Variants in FRMD4A observed in about 807,000 individuals in gnomAD.
FRMD4A encodes FERM domain-containing protein 4A.
FRMD4A carries 29 observed loss-of-function variants against 129.1 expected under a neutral mutation model. The ratio of observed to expected loss-of-function variants is 0.22; its 90% CI spans 0.17 to 0.31. The LOEUF (loss-of-function observed/expected upper bound fraction) is 0.31, where lower values mean the gene tolerates loss of function less well. Ranked by LOEUF, FRMD4A falls within the 10% of genes least tolerant of loss-of-function variation. The pLI is 1.00. For missense variants in FRMD4A, 1,272 were observed against 1,375.8 expected (o/e 0.92, Z 1.19); for synonymous variants, 634 against 571.6 (o/e 1.11, Z -1.56).
At chr10:13,822,884 C>T (rs1197028584) in intron 3 of FRMD4A, among the ~76,000 whole-genome samples, 3 of 152,108 alleles carry the variant, frequency 2.0e-5, no homozygotes, top group Admixed American at 1.3e-4. Flanking sequence ...TTCTCTCTCC[C>T]CTCCTTCTCT....
intron 2 of FRMD4A, among the ~76,000 whole-genome samples, chr10:14,165,026 G>T (rs1413543192): frequency 6.6e-6 from 1 of 152,094 alleles, no homozygotes; most frequent in African/African-American, 2.4e-5. Context: ...TATCTTTATA[G>T]TAGAGCTTCC....
At chr10:14,116,130 G>A (rs138110074) in intron 2 of FRMD4A, among the ~76,000 whole-genome samples, 226 of 152,222 alleles carry the variant, frequency 1.5e-3, no homozygotes, top group African/African-American at 5.1e-3. Context: ...TTTTCTCCTC[G>A]GGCTATTGCA....
intron 2 of FRMD4A, among the ~76,000 whole-genome samples, chr10:14,320,396 C>T (rs190610750): frequency 3.4e-4 from 52 of 152,328 alleles, no homozygotes; most frequent in Admixed American, 3.3e-3. Context: ...CAACCCCACC[C>T]TTGGCGGTTT....
At chr10:13,841,804 A>T in intron 3 of FRMD4A, among the ~76,000 whole-genome samples, 1 of 152,150 alleles carries the variant, frequency 6.6e-6, no homozygotes, top group East Asian at 1.9e-4. Context: ...CTAACAAATT[A>T]TTGAGCTGGA....
intron 2 of FRMD4A, among the ~76,000 whole-genome samples, chr10:14,198,363 ACT>A (rs1842532686): frequency 6.6e-6 from 1 of 152,204 alleles, no homozygotes; most frequent in African/African-American, 2.4e-5. Flanking sequence ...TGCAATTGCT[ACT>A]AGGCAGCGGC....
At chr10:13,854,754 A>G (rs1409880688) in intron 3 of FRMD4A, among the ~76,000 whole-genome samples, 1 of 152,100 alleles carries the variant, frequency 6.6e-6, no homozygotes, top group Non-Finnish European at 1.5e-5. Flanking sequence ...TTTTTAAAGT[A>G]CATTTCCAAC....
intron 12 of FRMD4A, among the ~76,000 whole-genome samples, chr10:13,732,600 G>A (rs528580865): frequency 1.8e-4 from 27 of 152,352 alleles, no homozygotes; most frequent in Middle Eastern, 3.4e-3. Flanking sequence ...CCGGGCAGGA[G>A]CAGCTGCCTG....
chr10:14,038,042 G>A (rs2131670255), intron 2 of FRMD4A, among the ~76,000 whole-genome samples: 1 of 152,284 alleles, frequency 6.6e-6, no homozygotes, highest in Non-Finnish European at 1.5e-5. Flanking sequence ...GCAATTTAAG[G>A]CCGGTCGCGG....
intron 15 of FRMD4A, among the ~76,000 whole-genome samples, chr10:13,681,359 T>C (rs542272997): frequency 1.2e-4 from 18 of 152,286 alleles, no homozygotes; most frequent in Non-Finnish European, 2.4e-4. Context: ...TAATCTGAGC[T>C]GTCTCTGGGA....
intron 8 of FRMD4A, among the ~76,000 whole-genome samples, chr10:13,756,484 C>T (rs2091867033): frequency 6.6e-6 from 1 of 152,172 alleles, no homozygotes; most frequent in Non-Finnish European, 1.5e-5. Context: ...ACCTCAGCCT[C>T]CCAAGTAGCT....
intron 13 of FRMD4A, among the ~76,000 whole-genome samples, chr10:13,705,732 C>T (rs571402447): frequency 2.6e-5 from 4 of 152,214 alleles, no homozygotes; most frequent in African/African-American, 7.2e-5. Flanking sequence ...CTTCTGGCCG[C>T]GAAACCCCTT....
chr10:13,991,370 G>A (rs1375456393), intron 2 of FRMD4A, among the ~76,000 whole-genome samples: 1 of 152,176 alleles, frequency 6.6e-6, no homozygotes, highest in Admixed American at 6.5e-5. Context: ...CAGCTTGTAT[G>A]AAGGTGGGCA....
At chr10:13,949,014 G>C (rs945618710) in intron 2 of FRMD4A, among the ~76,000 whole-genome samples, 1 of 152,002 alleles carries the variant, frequency 6.6e-6, no homozygotes, top group African/African-American at 2.4e-5. Flanking sequence ...TATGGCATTT[G>C]CAATCATGTT....
At chr10:14,294,402 C>A (rs1246537040) in intron 2 of FRMD4A, among the ~76,000 whole-genome samples, 1 of 152,154 alleles carries the variant, frequency 6.6e-6, no homozygotes, top group East Asian at 1.9e-4. Flanking sequence ...TCCACGTTCA[C>A]AAGGCTTGAC....
chr10:13,797,619 C>T (rs569096110), intron 4 of FRMD4A, among the ~76,000 whole-genome samples: 3 of 152,192 alleles, frequency 2.0e-5, no homozygotes, highest in Non-Finnish European at 4.4e-5. Context: ...TCCTTTCCCT[C>T]CTCTCTGTAT....
At chr10:13,712,209 CACA>C (rs2088093781) in intron 12 of FRMD4A, among the ~76,000 whole-genome samples, 1 of 152,206 alleles carries the variant, frequency 6.6e-6, no homozygotes, top group Non-Finnish European at 1.5e-5. Context: ...AAGACTAAAA[CACA>C]ACGACAACTG....
intron 2 of FRMD4A, among the ~76,000 whole-genome samples, chr10:14,188,778 C>T (rs567772909): frequency 4.1e-4 from 62 of 152,298 alleles, no homozygotes; most frequent in African/African-American, 1.3e-3. Context: ...CAGTGGCATG[C>T]GCCTGTGGTC....
At chr10:14,299,168 C>T (rs935443866) in intron 2 of FRMD4A, among the ~76,000 whole-genome samples, 3 of 152,180 alleles carry the variant, frequency 2.0e-5, no homozygotes, top group African/African-American at 7.2e-5. Context: ...GACAAGATTC[C>T]TGAGCTAAGG....
At chr10:14,124,351 C>T (rs1347073670) in intron 2 of FRMD4A, among the ~76,000 whole-genome samples, 3 of 152,182 alleles carry the variant, frequency 2.0e-5, no homozygotes, top group African/African-American at 7.2e-5. Flanking sequence ...CTATTACCCC[C>T]ATTTCACAGA....
Sources: allele counts gnomAD v4.1 joint callset (sites outside exome capture counted in the v4.1 genomes callset), GRCh38; gene constraint gnomAD v4.1.1; transcripts MANE v1.5; gene names NCBI Gene and HGNC (gene_info 2026-07-23, HGNC 2026-07-21).